Variants in FBXL17 observed in about 807,000 individuals in gnomAD.
FBXL17 encodes the protein F-box/LRR-repeat protein 17.
Under a neutral mutation model 66.2 loss-of-function variants are expected in FBXL17, and 22 were observed. That is an observed-to-expected ratio of 0.33 (90% CI 0.24 to 0.47). FBXL17 has a LOEUF of 0.47. FBXL17 is among the 20% of genes least tolerant of loss of function. The pLI, the probability that FBXL17 is intolerant of heterozygous loss-of-function variation, is 1.00. For missense variants in FBXL17, 878 were observed against 948.2 expected (o/e 0.93, Z 0.97); for synonymous variants, 474 against 400.5 (o/e 1.18, Z -2.19).
intron 5 of FBXL17, among the ~76,000 whole-genome samples, chr5:108,196,265 C>T (rs958385207): frequency 6.6e-6 from 1 of 151,956 alleles, no homozygotes; most frequent in Non-Finnish European, 1.5e-5. Context: ...CAATAGTGTC[C>T]CCCAGGCCAT....
intron 7 of FBXL17, among the ~76,000 whole-genome samples, chr5:107,969,969 C>G (rs1280215532): frequency 6.6e-6 from 1 of 152,278 alleles, no homozygotes; most frequent in East Asian, 1.9e-4. Flanking sequence ...AAAAACCTCA[C>G]TAGGGCATAT....
In FBXL17 at chr5:108,226,520, G is replaced by A. The variant is rs560834076; in HGVS notation, c.1507-2292C>T. Among the ~76,000 whole-genome samples the A allele has an allele frequency of 2.6e-5, 4 of 152,222 alleles. No individual in the cohort carries two copies. In the East Asian group the frequency reaches 5.8e-4, roughly 22 times the overall value. On this transcript the variant is annotated intron_variant, in intron 4 of 8. Transcript: ENST00000542267. ...TCTTTTTTTAAAGAACTGGGAGGAG[G>A]CACATTTTTACACCAGTGACTCAAC... is the stretch of plus-strand genomic sequence containing the variant.
intron 6 of FBXL17, among the ~76,000 whole-genome samples, chr5:108,154,690 TATATGTATATACA>T (rs1751925978): frequency 7.0e-6 from 1 of 142,370 alleles, no homozygotes; most frequent in African/African-American, 2.6e-5. Flanking sequence ...TATACACATA[TATATGTATATACA>T]TATATATGTG....
chr5:107,914,967 C>A (rs537865359), intron 7 of FBXL17, among the ~76,000 whole-genome samples: 2 of 152,046 alleles, frequency 1.3e-5, no homozygotes, highest in Non-Finnish European at 2.9e-5. Flanking sequence ...CCAAAAGATT[C>A]CTGAAAATAC....
intron 6 of FBXL17, among the ~76,000 whole-genome samples, chr5:108,161,041 G>A (rs2150006601): frequency 6.6e-6 from 1 of 152,290 alleles, no homozygotes; most frequent in East Asian, 1.9e-4. Flanking sequence ...GGTTCCTGGA[G>A]GAGAGGTAGG....
intron 4 of FBXL17, among the ~76,000 whole-genome samples, chr5:108,250,068 T>C (rs1189399295): frequency 3.3e-5 from 5 of 152,138 alleles, no homozygotes; most frequent in Admixed American, 2.6e-4. Flanking sequence ...GTTTTTAAGA[T>C]GTTTAAAAGC....
At chr5:108,281,554 T>C (rs1247626834) in intron 4 of FBXL17, among the ~76,000 whole-genome samples, 2 of 151,890 alleles carry the variant, frequency 1.3e-5, no homozygotes, top group African/African-American at 2.4e-5. Flanking sequence ...GGGAGGTTTA[T>C]TGCATTAAAT....
intron 6 of FBXL17, among the ~76,000 whole-genome samples, chr5:108,063,952 A>G (rs1012995066): frequency 6.6e-6 from 1 of 152,188 alleles, no homozygotes; most frequent in Non-Finnish European, 1.5e-5. Context: ...GGCAATAACA[A>G]AGACACATTA....
intron 5 of FBXL17, among the ~76,000 whole-genome samples, chr5:108,212,988 G>T (rs1434651727): frequency 6.6e-6 from 1 of 152,146 alleles, no homozygotes; most frequent in Non-Finnish European, 1.5e-5. Flanking sequence ...AGGAACTGTT[G>T]TCTTTTTTTT....
intron 4 of FBXL17, among the ~76,000 whole-genome samples, chr5:108,231,677 T>A (rs1342016217): frequency 1.3e-5 from 2 of 151,992 alleles, no homozygotes; most frequent in African/African-American, 4.8e-5. Context: ...CACCTGTTCA[T>A]CTTGAGCTCC....
At chr5:108,292,693 A>T (rs927318505) in intron 4 of FBXL17, among the ~76,000 whole-genome samples, 3 of 152,236 alleles carry the variant, frequency 2.0e-5, no homozygotes, top group Admixed American at 1.3e-4. Flanking sequence ...ATTACATAGC[A>T]CTTAGAACAT....
At chr5:107,980,151 G>A (rs1329983005) in intron 7 of FBXL17, among the ~76,000 whole-genome samples, 2 of 152,098 alleles carry the variant, frequency 1.3e-5, no homozygotes, top group Non-Finnish European at 2.9e-5. Flanking sequence ...AGAGCTTCCA[G>A]TTTCATTTTG....
At chr5:108,144,624 C>T (rs976563662) in intron 6 of FBXL17, among the ~76,000 whole-genome samples, 1 of 152,112 alleles carries the variant, frequency 6.6e-6, no homozygotes, top group Non-Finnish European at 1.5e-5. Flanking sequence ...AAAAACTGTA[C>T]CTAGTAATTC....
chr5:108,232,780 C>A (rs1755403041), intron 4 of FBXL17, among the ~76,000 whole-genome samples: 2 of 32,682 alleles, frequency 6.1e-5, no homozygotes, highest in Non-Finnish European at 1.2e-4. Flanking sequence ...AATAAGCTCT[C>A]ACATATATAT....
chr5:108,007,159 A>T (rs1282751621), intron 7 of FBXL17, among the ~76,000 whole-genome samples: 2 of 152,226 alleles, frequency 1.3e-5, no homozygotes, highest in African/African-American at 4.8e-5. Context: ...TCACTGTTTA[A>T]GTATGACTAC....
intron 7 of FBXL17, among the ~76,000 whole-genome samples, chr5:107,980,664 A>ATATATATATATTTTTTTT: frequency 1.3e-4 from 8 of 62,072 alleles, no homozygotes; most frequent in Admixed American, 7.0e-4. Context: ...ATATATATAT[A>ATATATATATATTTTTTTT]TTTTTTTTTT....
intron 7 of FBXL17, among the ~76,000 whole-genome samples, chr5:107,993,649 C>T (rs1455616800): frequency 2.0e-5 from 3 of 152,098 alleles, no homozygotes; most frequent in Non-Finnish European, 4.4e-5. Context: ...ATCTAATATA[C>T]ATTTTCCTAC....
At chr5:108,241,646 G>C (rs555246260) in intron 4 of FBXL17, among the ~76,000 whole-genome samples, 1 of 152,006 alleles carries the variant, frequency 6.6e-6, no homozygotes, top group Admixed American at 6.6e-5. Flanking sequence ...AAAGATTATA[G>C]AACACCAAGC....
intron 6 of FBXL17, among the ~76,000 whole-genome samples, chr5:108,134,491 A>T (rs1751056945): frequency 6.6e-6 from 1 of 152,124 alleles, no homozygotes; most frequent in South Asian, 2.1e-4. Context: ...GACACATAAA[A>T]ATCCAACAAA....
Sources: gnomAD v4.1 joint callset for allele counts (sites outside exome capture counted in the v4.1 genomes callset) on GRCh38, gnomAD v4.1.1 for gene constraint, MANE v1.5 for transcripts, NCBI Gene and HGNC (gene_info 2026-07-23, HGNC 2026-07-21) for gene names.